Variants in IL5 observed in about 807,000 individuals in gnomAD.
IL5 encodes interleukin 5.
IL5 carries 12 observed loss-of-function variants against 16.3 expected under a neutral mutation model. That is an observed-to-expected ratio of 0.74 (90% CI 0.47 to 1.20). The LOEUF (loss-of-function observed/expected upper bound fraction) is 1.20. Among genes scored for constraint, IL5 ranks in the 50% most tolerant of loss-of-function variants. IL5 has a pLI of 0.00. For missense variants in IL5, 159 were observed against 153.9 expected, an observed-to-expected ratio of 1.03 and a Z score of -0.17; for synonymous variants, 54 against 56.6, an observed-to-expected ratio of 0.95 and a Z score of 0.21.
intron 1 of IL5, chr5:132,556,481 A>G (rs941330689): frequency 4.0e-5 from 8 of 198,464 alleles, no homozygotes; most frequent in Non-Finnish European, 6.9e-5. Context: ...CGTGTACGTG[A>G]GTTATAATTA....
rs1749692496 is a variant in IL5, at chr5:132,541,708, T to C, written c.*103A>G. 1.1e-5 allele frequency: 7 copies of C among 653,334 alleles called. No homozygotes were observed. The highest frequency in any genetic ancestry group is 1.6e-5 in the Non-Finnish European group (6 of 379,842). The allele number at this position is 653,334 out of a possible 1,614,324, so 40.5% of individuals were successfully genotyped here. ...TATTTACTTTCCCTCTGAAGTTAAA[T>C]TATACTGAAAATTAAGGCCTGACTC... On this transcript the variant is annotated 3_prime_UTR_variant, in exon 4 of 4. Transcript: ENST00000231454.
At chr5:132,545,187 G>A (rs918605736), upstream of IL5, among the ~76,000 whole-genome samples, 2 of 152,174 alleles carry the variant, frequency 1.3e-5, no homozygotes, top group African/African-American at 4.8e-5. Context: ...AAGAAGCTGA[G>A]TTCTGGCAGG....
intron 1 of IL5, among the ~76,000 whole-genome samples, chr5:132,553,855 C>T (rs1749924568): frequency 7.1e-6 from 1 of 140,758 alleles, no homozygotes; most frequent in South Asian, 2.3e-4. Context: ...AGTAGAATGG[C>T]GTGAACCCGG....
rs565776731 is a variant in IL5, at chr5:132,554,984, C to T, written c.42+1690G>A. Among the ~76,000 whole-genome samples, 17 of 152,266 alleles carry T rather than the reference C, an allele frequency of 1.1e-4. No homozygotes were observed. In the South Asian group the frequency reaches 2.1e-3, roughly 19 times the overall value. On this transcript the variant is annotated intron_variant, in intron 1 of 2. Coordinates refer to the IL5 transcript ENST00000450655. Reference sequence around the variant, plus strand: ...GTGATGGTTTTGGGATGAAACTGTTCGACCTCACATCATCAGGCATTAGAT... The same window carrying T: ...GTGATGGTTTTGGGATGAAACTGTTTGACCTCACATCATCAGGCATTAGAT...
chr5:132,546,432 CATA>C (rs2149824678), upstream of IL5, among the ~76,000 whole-genome samples: 1 of 152,282 alleles, frequency 6.6e-6, no homozygotes, highest in South Asian at 2.1e-4. Flanking sequence ...TATCATTTAG[CATA>C]ATGTCTATTC....
chr5:132,543,037 A>T, intron 2 of IL5, 57 bp downstream of exon 2: 1 of 1,308,320 alleles, frequency 7.6e-7, no homozygotes, highest in Non-Finnish European at 1.1e-6. Flanking sequence ...TTTACAGCTT[A>T]AAACAGGAAA....
Position 132,543,258 on chromosome 5 carries a change from T to C in IL5, c.144+77A>G, listed in dbSNP as rs1749728415. On this transcript the variant is annotated intron_variant, in intron 1 of 3. Coordinates refer to ENST00000231454, the MANE Select transcript of IL5 (RefSeq NM_000879.3). ...AGAATCTTATTATTTATAACAGATC[T>C]CTATATATAGTAAAGGAACCATCAC... 6.3e-6 allele frequency: 9 copies of C among 1,430,990 alleles called. No homozygotes were observed. In the South Asian group the frequency reaches 9.6e-5, roughly 15 times the overall value. The allele number at this position is 1,430,990 out of a possible 1,614,324, so 88.6% of individuals were successfully genotyped here. A position where few individuals can be genotyped will look rare whatever the true frequency, so the allele number is the denominator to read the frequency against.
At chr5:132,548,011 G>A (rs772314004), upstream of IL5, among the ~76,000 whole-genome samples, 23 of 152,316 alleles carry the variant, frequency 1.5e-4, no homozygotes, top group Non-Finnish European at 2.6e-4. Flanking sequence ...AGAGGTTGCC[G>A]TGAGCTGAGA....
upstream of IL5, among the ~76,000 whole-genome samples, chr5:132,546,682 A>G (rs1749799501): frequency 1.3e-5 from 2 of 152,026 alleles, no homozygotes; most frequent in South Asian, 2.1e-4. Flanking sequence ...GATCTCCCCA[A>G]CCTGACTGTA....
chr5:132,542,047 A>T lies in IL5; in HGVS notation c.274T>A (p.Ser92Thr), dbSNP rs1254393802. 2.5e-6 allele frequency: 4 copies of T among 1,613,972 alleles called. No homozygotes were observed. In the South Asian group the frequency reaches 3.3e-5, roughly 13 times the overall value. Residue 92 changes from serine (S) to threonine (T), a missense_variant, in exon 3 of 4, where the codon TCC (serine) becomes ACC (threonine). Physicochemically the swap from Ser to Thr is moderately conservative, Grantham distance 58. Coordinates refer to ENST00000231454, the MANE Select transcript of IL5 (RefSeq NM_000879.3). ...GTVERLFKNL[S>T]LIKKYIDGQK... ...CCGTCAATGTATTTCTTTATTAAGG[A>T]CAAGTTTTTGAATAGTCTTTCCACA...
chr5:132,556,738 T>A, exon 1 of IL5: 1 of 1,228,278 alleles, frequency 8.1e-7, no homozygotes, highest in Non-Finnish European at 1.0e-6. Flanking sequence ...AGGATCAAGC[T>A]TTGGGAAGCG....
intron 1 of IL5, among the ~76,000 whole-genome samples, chr5:132,550,103 A>G (rs1362555417): frequency 6.6e-6 from 1 of 152,170 alleles, no homozygotes; most frequent in East Asian, 1.9e-4. Flanking sequence ...ATAACCTGCT[A>G]TTAGATGAAA....
chr5:132,556,064 A>G (rs573142657), intron 1 of IL5: 1 of 152,288 alleles, frequency 6.6e-6, no homozygotes, highest in South Asian at 2.1e-4. Context: ...ACATTTATGT[A>G]TTAGGTTCTG....
chr5:132,556,740 TG>T (rs1220223768), exon 1 of IL5: 89 of 1,224,004 alleles, frequency 7.3e-5, no homozygotes, highest in Non-Finnish European at 8.7e-5. Context: ...GATCAAGCTT[TG>T]GGAAGCGCCA....
At chr5:132,549,189 G>A (rs149439091) in intron 1 of IL5, among the ~76,000 whole-genome samples, 4,598 of 152,232 alleles carry the variant, frequency 0.03, 180 homozygotes, top group African/African-American at 0.098. Flanking sequence ...CTGAGTAGCT[G>A]GGATTACAGG....
intron 1 of IL5, among the ~76,000 whole-genome samples, chr5:132,552,868 A>G (rs1439733862): frequency 6.6e-6 from 1 of 152,050 alleles, no homozygotes; most frequent in Admixed American, 6.6e-5. Flanking sequence ...CTGAGTAGCT[A>G]GGACTACAGG....
At chr5:132,553,430 T>C (rs1430540558) in intron 1 of IL5, among the ~76,000 whole-genome samples, 6 of 152,254 alleles carry the variant, frequency 3.9e-5, no homozygotes, top group African/African-American at 1.2e-4. Flanking sequence ...CAATATCTTA[T>C]CTCAGTGATT....
chr5:132,553,882 T>C (rs1749925023), intron 1 of IL5, among the ~76,000 whole-genome samples: 2 of 132,228 alleles, frequency 1.5e-5, no homozygotes, highest in African/African-American at 5.9e-5. Context: ...GAGCTTCCAG[T>C]GAGCTGAGAT....
At chr5:132,543,660 A>T, upstream of IL5, 1 of 438,496 alleles carries the variant, frequency 2.3e-6, no homozygotes, top group Non-Finnish European at 3.8e-6. Context: ...TTAAAAAATA[A>T]ATTTACTTTT....
Sources: allele counts gnomAD v4.1 joint callset (sites outside exome capture counted in the v4.1 genomes callset), GRCh38; gene constraint gnomAD v4.1.1; transcripts MANE v1.5; gene names NCBI Gene and HGNC (gene_info 2026-07-23, HGNC 2026-07-21).